NAA15: variants seen among roughly 807,000 people sequenced by gnomAD.
NAA15 encodes N-alpha-acetyltransferase 15, NatA auxiliary subunit, also known as N-terminal acetyltransferase.
In NAA15, 34 loss-of-function variants were observed where a neutral mutation model predicts 114.0. The observed-to-expected ratio is 0.30, with a 90% confidence interval of 0.23 to 0.40. The LOEUF (loss-of-function observed/expected upper bound fraction) is 0.40. Among genes scored for constraint, NAA15 ranks in the 10% least tolerant of loss-of-function variants. The pLI is 1.00. For missense variants in NAA15, 658 were observed against 1,004.5 expected (o/e 0.66, Z 4.66); for synonymous variants, 340 against 338.0 (o/e 1.01, Z -0.06).
intron 15 of NAA15, among the ~76,000 whole-genome samples, chr4:139,371,495 T>C (rs1343191265): frequency 2.1e-4 from 7 of 33,656 alleles, no homozygotes; most frequent in Admixed American, 4.1e-4. Context: ...AAAAGAAAAG[T>C]AGCACACACA....
chr4:139,358,370 A>C (rs1748030750), intron 11 of NAA15, among the ~76,000 whole-genome samples: 1 of 151,552 alleles, frequency 6.6e-6, no homozygotes, highest in South Asian at 2.1e-4. Flanking sequence ...TAATTTTTGT[A>C]TTATTTGTAG....
At chr4:139,367,943 C>T (rs1748329884) in intron 14 of NAA15, among the ~76,000 whole-genome samples, 1 of 151,512 alleles carries the variant, frequency 6.6e-6, no homozygotes, top group South Asian at 2.1e-4. Flanking sequence ...ATATCCTTCA[C>T]TTCATTTTAA....
chr4:139,314,792 C>A (rs113502358), intron 1 of NAA15, among the ~76,000 whole-genome samples: 1 of 151,684 alleles, frequency 6.6e-6, no homozygotes, highest in African/African-American at 2.4e-5. Context: ...ATTCTCCTGC[C>A]TCAGCCTCCT....
chr4:139,371,895 A>C (rs1388322888), intron 15 of NAA15, among the ~76,000 whole-genome samples: 3 of 151,614 alleles, frequency 2.0e-5, no homozygotes, highest in Non-Finnish European at 2.9e-5. Flanking sequence ...ATAACTCTTC[A>C]TGTTTTCATG....
At chr4:139,370,933 C>G (rs1485045354) in intron 15 of NAA15, among the ~76,000 whole-genome samples, 1 of 152,162 alleles carries the variant, frequency 6.6e-6, no homozygotes, top group African/African-American at 2.4e-5. Flanking sequence ...CTTTTCTAGC[C>G]TAAGGCTGTA....
chr4:139,374,671 T>C (rs1039222286), intron 15 of NAA15, among the ~76,000 whole-genome samples: 1 of 152,226 alleles, frequency 6.6e-6, no homozygotes, highest in East Asian at 1.9e-4. Context: ...TAAAACCTTG[T>C]TCTGCACGAT....
chr4:139,353,687 AAT>A lies in NAA15; in HGVS notation c.1015-338_1015-337del, dbSNP rs1747854307. Reference sequence around the variant, plus strand: ...ACATAGCATTTAATTCTTAAATGCAAATGTTTACTGTGGGTGTTCATTTATAC... The same window carrying A: ...ACATAGCATTTAATTCTTAAATGCAAGTTTACTGTGGGTGTTCATTTATAC... On this transcript the variant is annotated intron_variant, in intron 9 of 19. Coordinates refer to ENST00000296543, the MANE Select transcript of NAA15 (RefSeq NM_057175.5). Among the ~76,000 whole-genome samples, 5 of 152,322 alleles carry A rather than the reference AAT, an allele frequency of 3.3e-5. No individual in the cohort carries two copies. In the South Asian group the frequency reaches 1.0e-3, roughly 32 times the overall value.
intron 6 of NAA15, 135 bp from the exon 7 acceptor site, chr4:139,349,327 A>T (rs2110929606): frequency 1.4e-6 from 1 of 693,436 alleles, no homozygotes; most frequent in East Asian, 3.1e-5. Flanking sequence ...TCTTAAGGGA[A>T]CTGGAACCAG....
At chr4:139,351,749 G>T in intron 9 of NAA15, 138 bp downstream of exon 9, 1 of 485,088 alleles carries the variant, frequency 2.1e-6, no homozygotes, top group East Asian at 3.1e-5. Flanking sequence ...CAGTTTAAAT[G>T]CTTCTGATTC....
intron 10 of NAA15, among the ~76,000 whole-genome samples, 157 bp downstream of exon 10, chr4:139,354,255 T>C (rs1028414554): frequency 2.6e-5 from 4 of 152,198 alleles, no homozygotes; most frequent in African/African-American, 9.7e-5. Flanking sequence ...GCACATTGTG[T>C]GATGATATTT....
At chr4:139,344,460 C>A in intron 6 of NAA15, 121 bp downstream of exon 6, 4 of 740,166 alleles carry the variant, frequency 5.4e-6, no homozygotes, top group Non-Finnish European at 8.8e-6. Context: ...AAATCTATTT[C>A]TTACTCGTGT....
At chr4:139,352,635 C>T in intron 9 of NAA15, among the ~76,000 whole-genome samples, 2 of 138,748 alleles carry the variant, frequency 1.4e-5, no homozygotes, top group South Asian at 2.4e-4. Flanking sequence ...CTTGTTTTTT[C>T]TTGCATAAAT....
intron 10 of NAA15, among the ~76,000 whole-genome samples, chr4:139,354,437 C>CACAG (rs1747875974): frequency 1.3e-5 from 2 of 151,504 alleles, no homozygotes; most frequent in African/African-American, 4.9e-5. Flanking sequence ...TAGCTGGGAC[C>CACAG]ACAGACATGC....
Position 139,388,022 on chromosome 4 carries a change from A to G in NAA15, c.2539A>G (p.Met847Val), listed in dbSNP as rs772526985. 20 of 1,613,874 alleles carry G rather than the reference A, an allele frequency of 1.2e-5. No homozygotes were observed. The highest frequency in any genetic ancestry group is 1.7e-5 in the Non-Finnish European group (20 of 1,179,938). Residue 847 changes from methionine (M) to valine (V), a missense_variant, in exon 20 of 20, where the codon ATG becomes GTG. Around this residue, in one of 6 missense-constraint regions of NAA15, gnomAD observed 275 missense variants for 371.1 expected, o/e 0.74. Transcript: ENST00000296543. The part of the protein sequence containing the change: ...AFMPPGYEED[M>V]KITVNGDSSA... ...CATGCCTCCTGGATATGAAGAGGAT[A>G]TGAAGATCACAGTTAATGGAGATAG... is the stretch of plus-strand genomic sequence containing the variant.
chr4:139,369,061 G>T (rs1398530172), intron 14 of NAA15, among the ~76,000 whole-genome samples: 4 of 152,164 alleles, frequency 2.6e-5, no homozygotes, highest in African/African-American at 9.7e-5. Flanking sequence ...AGTGTTGTCT[G>T]TCTGTTTTGG....
intron 6 of NAA15, among the ~76,000 whole-genome samples, chr4:139,347,644 AAAAG>A (rs1274457249): frequency 6.6e-6 from 1 of 152,156 alleles, no homozygotes; most frequent in Non-Finnish European, 1.5e-5. Context: ...CCTGTCTTCA[AAAAG>A]AAAGAATGAA....
chr4:139,385,283 A>AATATAATAT (rs1748868042), intron 18 of NAA15, among the ~76,000 whole-genome samples: 4 of 100,490 alleles, frequency 4.0e-5, no homozygotes, highest in Admixed American at 1.9e-4. Flanking sequence ...ATATATATAT[A>AATATAATAT]ATATATATAT....
chr4:139,369,450 C>T (rs144067394), intron 14 of NAA15, among the ~76,000 whole-genome samples: 6 of 152,230 alleles, frequency 3.9e-5, no homozygotes, highest in African/African-American at 1.4e-4. Flanking sequence ...CATTAAAAGG[C>T]TAGGTACTGC....
intron 17 of NAA15, among the ~76,000 whole-genome samples, chr4:139,380,086 T>G (rs1748702138): frequency 6.6e-6 from 1 of 152,184 alleles, no homozygotes; most frequent in Admixed American, 6.5e-5. Flanking sequence ...CCAGAAAGAT[T>G]AGACTTAAAT....
Sources: gnomAD v4.1 joint callset for allele counts (sites outside exome capture counted in the v4.1 genomes callset) on GRCh38, gnomAD v4.1.1 for gene constraint, gnomAD v4.1.1 regional missense constraint, MANE v1.5 for transcripts, NCBI Gene and HGNC (gene_info 2026-07-23, HGNC 2026-07-21) for gene names.